The following EXOC4 variants were observed in gnomAD, a reference collection of about 807,000 sequenced individuals.
EXOC4 encodes the protein SEC8-like 1.
Under a neutral mutation model 107.2 loss-of-function variants are expected in EXOC4, and 71 were observed. That is an observed-to-expected ratio of 0.66 (90% CI 0.55 to 0.81). The LOEUF (loss-of-function observed/expected upper bound fraction) is 0.81, where lower values mean the gene tolerates loss of function less well. Among genes scored for constraint, EXOC4 ranks in the 30% least tolerant of loss-of-function variants. The pLI is 0.00. For synonymous variants in EXOC4, 456 were observed against 441.2 expected (o/e 1.03, Z -0.42); for missense variants, 1,108 against 1,189.6 (o/e 0.93, Z 1.01).
At chr7:134,068,665 CA>C (rs111585626), downstream of EXOC4, among the ~76,000 whole-genome samples, 124 of 152,304 alleles carry the variant, frequency 8.1e-4, no homozygotes, top group African/African-American at 2.9e-3. Flanking sequence ...CCTCTTCCAG[CA>C]GTTACTGCCC....
rs1192799310 is a variant in EXOC4 at position 133,754,063 on chromosome 7, G to A, written c.1515-63262G>A. 2.0e-5 allele frequency among the ~76,000 whole-genome samples: 3 copies of A among 152,176 alleles called. 1 individual carries two copies. Among genetic ancestry groups the A allele is most frequent in the Admixed American group, 1.3e-4 (2 of 15,276 alleles). On this transcript the variant is annotated intron_variant, in intron 10 of 17. Coordinates refer to ENST00000253861, the MANE Select transcript of EXOC4 (RefSeq NM_021807.4). ...GTTTTGAATGGGGGCAAAACCAAAGGCAACGAAAGTAGTTTATTATAATAC... is the reference window on the plus strand; with the variant it reads ...GTTTTGAATGGGGGCAAAACCAAAGACAACGAAAGTAGTTTATTATAATAC...
intron 9 of EXOC4, among the ~76,000 whole-genome samples, chr7:133,581,666 G>A (rs1801275729): frequency 6.7e-6 from 1 of 149,716 alleles, no homozygotes; most frequent in Non-Finnish European, 1.5e-5. Context: ...GCTGAGGCAG[G>A]AGAATGGCAT....
chr7:133,927,018 T>C (rs1055723732), intron 13 of EXOC4, among the ~76,000 whole-genome samples: 2 of 152,174 alleles, frequency 1.3e-5, no homozygotes, highest in Admixed American at 1.3e-4. Context: ...TTTGCACTTT[T>C]ACTTTTCTTC....
chr7:133,311,914 G>A (rs1425351204), intron 4 of EXOC4, among the ~76,000 whole-genome samples: 1 of 152,104 alleles, frequency 6.6e-6, no homozygotes, highest in Non-Finnish European at 1.5e-5. Context: ...TTCATAAGAT[G>A]ATCAAAATCA....
chr7:133,676,971 G>GTGTT, intron 10 of EXOC4, among the ~76,000 whole-genome samples: 1 of 147,572 alleles, frequency 6.8e-6, no homozygotes, highest in African/African-American at 2.5e-5. Flanking sequence ...GTGTGTGTGT[G>GTGTT]TGTGTGTTGA....
intron 12 of EXOC4, among the ~76,000 whole-genome samples, chr7:133,903,418 G>C (rs1266677996): frequency 6.6e-6 from 1 of 152,230 alleles, no homozygotes; most frequent in Non-Finnish European, 1.5e-5. Flanking sequence ...TAGCAGCAGA[G>C]ATGGAGGGAA....
At chr7:133,294,342 T>TA (rs1794471674) in intron 3 of EXOC4, among the ~76,000 whole-genome samples, 1 of 152,180 alleles carries the variant, frequency 6.6e-6, no homozygotes, top group Non-Finnish European at 1.5e-5. Context: ...GAAAACCACT[T>TA]ACACAAGTTC....
intron 9 of EXOC4, among the ~76,000 whole-genome samples, chr7:133,577,509 T>C (rs1398498665): frequency 1.3e-5 from 2 of 152,144 alleles, no homozygotes; most frequent in African/African-American, 4.8e-5. Flanking sequence ...ATAACTAAGG[T>C]CCCCAAAAGT....
At chr7:134,002,635 C>T (rs1041022242) in intron 15 of EXOC4, among the ~76,000 whole-genome samples, 1 of 151,888 alleles carries the variant, frequency 6.6e-6, no homozygotes. Flanking sequence ...AACAAAAAAC[C>T]CAATTTTTAA....
intron 6 of EXOC4, among the ~76,000 whole-genome samples, chr7:133,361,878 C>T (rs1379358922): frequency 1.3e-5 from 2 of 152,108 alleles, no homozygotes; most frequent in Non-Finnish European, 2.9e-5. Context: ...GTGATAGGTA[C>T]AAGGTGGTTC....
At chr7:133,358,686 T>C (rs746470807) in intron 6 of EXOC4, among the ~76,000 whole-genome samples, 1 of 152,210 alleles carries the variant, frequency 6.6e-6, no homozygotes, top group Non-Finnish European at 1.5e-5. Context: ...ATTGCTGTAG[T>C]ATATATTGGA....
At chr7:133,575,450 A>G (rs913775886) in intron 9 of EXOC4, among the ~76,000 whole-genome samples, 7 of 152,220 alleles carry the variant, frequency 4.6e-5, no homozygotes, top group African/African-American at 1.4e-4. Context: ...TTGTGGACCT[A>G]TAACGTATAC....
chr7:133,278,004 G>A (rs1794036964), intron 2 of EXOC4, among the ~76,000 whole-genome samples: 1 of 152,162 alleles, frequency 6.6e-6, no homozygotes, highest in Admixed American at 6.5e-5. Context: ...TGTTGAGAAT[G>A]TGTAGATCTG....
intron 3 of EXOC4, among the ~76,000 whole-genome samples, chr7:133,292,772 C>G (rs147864938): frequency 1.3e-5 from 2 of 152,050 alleles, no homozygotes; most frequent in African/African-American, 4.8e-5. Flanking sequence ...TGTGTCTTAC[C>G]TATTTTTGTC....
intron 11 of EXOC4, among the ~76,000 whole-genome samples, chr7:133,838,995 T>G (rs1036434602): frequency 2.6e-5 from 4 of 152,216 alleles, no homozygotes; most frequent in African/African-American, 9.6e-5. Context: ...TATGTCTACA[T>G]GGGATTGTTT....
chr7:133,400,762 G>C (rs1035707725), intron 7 of EXOC4, among the ~76,000 whole-genome samples: 2 of 152,148 alleles, frequency 1.3e-5, no homozygotes, highest in African/African-American at 4.8e-5. Context: ...AGGGGCTCTT[G>C]TGCCCTGTTT....
chr7:133,796,436 C>T (rs2551018), intron 10 of EXOC4, among the ~76,000 whole-genome samples: 150,276 of 152,288 alleles, frequency 0.99, 74,188 homozygotes, highest in Middle Eastern at 1. Context: ...CTATTACAGG[C>T]ATGGCATTGA....
At chr7:133,569,019 A>C (rs528119465) in intron 9 of EXOC4, among the ~76,000 whole-genome samples, 1 of 152,280 alleles carries the variant, frequency 6.6e-6, no homozygotes, top group East Asian at 1.9e-4. Flanking sequence ...TAAGCAAATA[A>C]ATAGGGCTAA....
chr7:133,381,654 G>T (rs1368995046), intron 7 of EXOC4, among the ~76,000 whole-genome samples: 1 of 152,134 alleles, frequency 6.6e-6, no homozygotes, highest in Admixed American at 6.5e-5. Context: ...ACCTGTTAGG[G>T]TTATCTAAGT....
Sources: gnomAD v4.1 joint callset for allele counts (sites outside exome capture counted in the v4.1 genomes callset) on GRCh38, gnomAD v4.1.1 for gene constraint, MANE v1.5 for transcripts, NCBI Gene and HGNC (gene_info 2026-07-23, HGNC 2026-07-21) for gene names.